Variants in NUSAP1 observed in about 807,000 individuals in gnomAD.
NUSAP1 encodes nucleolar and spindle-associated protein 1.
NUSAP1 carries 32 observed loss-of-function variants against 52.8 expected under a neutral mutation model. That is an observed-to-expected ratio of 0.61 (90% CI 0.46 to 0.81). The LOEUF is 0.81. Among genes scored for constraint, NUSAP1 ranks in the 40% least tolerant of loss-of-function variants. NUSAP1 has a pLI of 0.00. For synonymous variants in NUSAP1, 195 were observed against 183.1 expected, an observed-to-expected ratio of 1.06 and a Z score of -0.52; for missense variants, 499 against 522.3, an observed-to-expected ratio of 0.96 and a Z score of 0.43.
At chr15:41,349,970 T>C (rs1012798281) in intron 3 of NUSAP1, among the ~76,000 whole-genome samples, 1 of 152,100 alleles carries the variant, frequency 6.6e-6, no homozygotes, top group Admixed American at 6.6e-5. Flanking sequence ...TTTCACCATG[T>C]TGGCTGGGCT....
chr15:41,338,645 G>A (rs532839675), intron 1 of NUSAP1, among the ~76,000 whole-genome samples: 30 of 151,726 alleles, frequency 2.0e-4, no homozygotes, highest in Admixed American at 1.4e-3. Context: ...GAAACTTAGG[G>A]AAAAGAAAAA....
At chr15:41,350,707 T>G (rs1208340506) in intron 3 of NUSAP1, among the ~76,000 whole-genome samples, 2 of 152,170 alleles carry the variant, frequency 1.3e-5, no homozygotes, top group African/African-American at 4.8e-5. Flanking sequence ...CTCAATGTAG[T>G]CACTTGCTCA....
chr15:41,339,036 T>C lies in NUSAP1; in HGVS notation c.94-3350T>C, dbSNP rs145994436. On this transcript the variant is annotated intron_variant, in intron 1 of 10. Transcript: ENST00000559596. ...CCAATGACTTCCCTCACATCTAAAA[T>C]AAAATCTAAACTCTTTCCAGTGTAA... Among the ~76,000 whole-genome samples the C allele has an allele frequency of 3.7e-3, 564 of 152,116 alleles. 2 individuals are homozygous for C. The highest frequency in any genetic ancestry group is 5.8e-3 in the South Asian group (28 of 4,826).
intron 6 of NUSAP1, 54 bp from the exon 7 acceptor site, chr15:41,365,348 G>C: frequency 7.0e-7 from 1 of 1,429,448 alleles, no homozygotes; most frequent in Non-Finnish European, 9.5e-7. Context: ...GTAGAGATGG[G>C]GTTTCACCAT....
Position 41,380,209 on chromosome 15 carries a change from T to C in NUSAP1, c.*23T>C. ...TAATAATTTTTTAACATCTTGTAAA[T>C]ATTCCTGTATTCTCAACTTTTTTCC... On this transcript the variant is annotated 3_prime_UTR_variant, in exon 11 of 11. Coordinates refer to ENST00000559596, the MANE Select transcript of NUSAP1 (RefSeq NM_016359.5). The C allele has an allele frequency of 6.8e-7, 1 of 1,474,570 alleles. No homozygotes were observed. The highest frequency in any genetic ancestry group is 9.2e-7 in the Non-Finnish European group (1 of 1,090,182). The allele number at this position is 1,474,570 out of a possible 1,614,324, so 91.3% of individuals were successfully genotyped here.
intron 10 of NUSAP1, among the ~76,000 whole-genome samples, chr15:41,377,770 C>T (rs553269082): frequency 3.3e-5 from 5 of 149,440 alleles, no homozygotes; most frequent in Middle Eastern, 3.5e-3. Context: ...TTTGGGAGGC[C>T]GAGGGGGGCA....
At chr15:41,374,397 T>A (rs1283256112) in intron 8 of NUSAP1, among the ~76,000 whole-genome samples, 1 of 152,062 alleles carries the variant, frequency 6.6e-6, no homozygotes, top group Non-Finnish European at 1.5e-5. Context: ...TTCTATGGGG[T>A]CCCTATATAA....
At chr15:41,337,964 G>C (rs1595523505) in intron 1 of NUSAP1, among the ~76,000 whole-genome samples, 1 of 99,952 alleles carries the variant, frequency 1.0e-5, no homozygotes, top group Admixed American at 1.6e-4. Context: ...TCACAGTCTT[G>C]CTCTGTCACC....
chr15:41,367,204 G>C (rs1009116121), intron 7 of NUSAP1, among the ~76,000 whole-genome samples: 2 of 152,202 alleles, frequency 1.3e-5, no homozygotes, highest in Non-Finnish European at 2.9e-5. Flanking sequence ...GCGTTGAGCA[G>C]GTCAGGGGCT....
intron 1 of NUSAP1, 130 bp downstream of exon 1, chr15:41,333,180 T>C: frequency 1.5e-6 from 1 of 688,310 alleles, no homozygotes; most frequent in East Asian, 2.7e-5. Flanking sequence ...GGGCAGTAGA[T>C]GTGGTTCACG....
At chr15:41,371,812 C>A in intron 8 of NUSAP1, 128 bp downstream of exon 8, 1 of 1,098,642 alleles carries the variant, frequency 9.1e-7, no homozygotes, top group Non-Finnish European at 1.3e-6. Flanking sequence ...CTTTTGTCAC[C>A]CAGGCTAGAG....
At chr15:41,376,149 C>G (rs192167467) in intron 9 of NUSAP1, among the ~76,000 whole-genome samples, 12 of 152,200 alleles carry the variant, frequency 7.9e-5, no homozygotes, top group Admixed American at 2.6e-4. Context: ...AATCCCAGCA[C>G]TTTTGGGAGG....
chr15:41,354,703 T>G lies in NUSAP1; in HGVS notation c.449-1336T>G, dbSNP rs188066582. On this transcript the variant is annotated intron_variant, in intron 4 of 10. Coordinates refer to ENST00000559596, the MANE Select transcript of NUSAP1 (RefSeq NM_016359.5). Reference sequence around the variant, plus strand: ...TATATATATATATGTTTAATTTATATTAAATAATTTTTTAGTAATAGAGAC... The same window carrying G: ...TATATATATATATGTTTAATTTATAGTAAATAATTTTTTAGTAATAGAGAC... Among the ~76,000 whole-genome samples, 66 of 150,228 alleles carry G rather than the reference T, an allele frequency of 4.4e-4. 1 individual carries two copies. The East Asian group carries it at 5.6e-3, about 13-fold the overall frequency.
intron 1 of NUSAP1, 107 bp from the exon 2 acceptor site, chr15:41,342,279 T>C (rs1045850083): frequency 2.8e-6 from 2 of 725,530 alleles, no homozygotes; most frequent in Admixed American, 5.2e-5. Flanking sequence ...TCTAGTCCTA[T>C]GGTCTGACCA....
At chr15:41,333,164 C>T in intron 1 of NUSAP1, 114 bp downstream of exon 1, 1 of 744,206 alleles carries the variant, frequency 1.3e-6, no homozygotes, top group Non-Finnish European at 2.3e-6. Context: ...GCTCTCCCTG[C>T]CCCTCGGGCA....
rs534577623 is a variant in NUSAP1, at chr15:41,371,697, AAAAAC to A, written c.1006+18_1006+22del. On this transcript the variant is annotated intron_variant, in intron 8 of 10. Coordinates refer to ENST00000559596, the MANE Select transcript of NUSAP1 (RefSeq NM_016359.5). ...AATTCTGCTGCTGGTAAAAAAAAAA[AAAAAC>A]AAAAGAAATCTGTTTCATTTTTAAG... is the stretch of plus-strand genomic sequence containing the variant. 1.6e-4 allele frequency: 256 copies of A among 1,577,614 alleles called. No individual in the cohort carries two copies. Among genetic ancestry groups the A allele is most frequent in the Non-Finnish European group, 2.0e-4 (235 of 1,169,686 alleles).
intron 1 of NUSAP1, among the ~76,000 whole-genome samples, chr15:41,337,931 C>CTTTTTTTTTTTTTTTTTTTTTT (rs757341496): frequency 1.3e-4 from 14 of 110,932 alleles, no homozygotes; most frequent in Non-Finnish European, 1.8e-4. Context: ...TTTCTTTTTT[C>CTTTTTTTTTTTTTTTTTTTTTT]TTTTTTTTTT....
intron 2 of NUSAP1, among the ~76,000 whole-genome samples, chr15:41,348,614 A>G (rs1055474052): frequency 6.6e-6 from 1 of 152,114 alleles, no homozygotes; most frequent in African/African-American, 2.4e-5. Flanking sequence ...TTCTTTTTAA[A>G]TAATCTATAA....
At chr15:41,377,562 G>T (rs1567079963) in intron 10 of NUSAP1, among the ~76,000 whole-genome samples, 2 of 151,760 alleles carry the variant, frequency 1.3e-5, no homozygotes, top group South Asian at 4.2e-4. Context: ...AGCTGGGCAT[G>T]GTGGCGGGCG....
Sources: gnomAD v4.1 joint callset for allele counts (sites outside exome capture counted in the v4.1 genomes callset) on GRCh38, gnomAD v4.1.1 for gene constraint, MANE v1.5 for transcripts, NCBI Gene and HGNC (gene_info 2026-07-23, HGNC 2026-07-21) for gene names.